Variants in SCN2A observed in about 807,000 individuals in gnomAD.
SCN2A encodes the protein sodium channel protein type 2 subunit alpha.
SCN2A carries 20 observed loss-of-function variants against 188.7 expected under a neutral mutation model. That is an observed-to-expected ratio of 0.11 (90% CI 0.07 to 0.15). The LOEUF (loss-of-function observed/expected upper bound fraction) is 0.15. SCN2A is among the 10% of genes least tolerant of loss of function. The probability of loss-of-function intolerance (pLI) is 1.00; values close to 1 mark genes in which losing one functional copy is unlikely to be tolerated. For missense variants in SCN2A, 1,278 were observed against 2,445.0 expected (o/e 0.52, Z 10.07); for synonymous variants, 804 against 833.1 (o/e 0.97, Z 0.60).
chr2:165,335,488 G>C (rs1559370581), intron 14 of SCN2A, among the ~76,000 whole-genome samples: 9 of 151,648 alleles, frequency 5.9e-5, no homozygotes. Flanking sequence ...AAGACCACTA[G>C]ACAATTTTAT....
At chr2:165,358,557 G>T (rs1434074475) in intron 17 of SCN2A, among the ~76,000 whole-genome samples, 1 of 151,990 alleles carries the variant, frequency 6.6e-6, no homozygotes, top group Non-Finnish European at 1.5e-5. Context: ...CTCTTAGACT[G>T]AAAGAAAAGG....
chr2:165,275,924 AGG>A (rs1695319373), intron 1 of SCN2A, among the ~76,000 whole-genome samples: 2 of 151,990 alleles, frequency 1.3e-5, no homozygotes, highest in Admixed American at 1.3e-4. Context: ...TAGTAGAGAC[AGG>A]TTTTCACCAT....
At chr2:165,319,293 C>T (rs1014898389) in intron 11 of SCN2A, among the ~76,000 whole-genome samples, 4 of 151,972 alleles carry the variant, frequency 2.6e-5, no homozygotes, top group Non-Finnish European at 4.4e-5. Flanking sequence ...GCCGAGATCA[C>T]GCCACTGCAC....
chr2:165,375,124 A>G lies in SCN2A; in HGVS notation c.4254+158A>G, dbSNP rs1368238. Reference sequence around the variant, plus strand: ...AATGTGAAGAAAAGGGAACCCTTGTACATTGTTGGCAGGGATGTAAATTAG... The same window carrying G: ...AATGTGAAGAAAAGGGAACCCTTGTGCATTGTTGGCAGGGATGTAAATTAG... On this transcript the variant is annotated intron_variant, in intron 22 of 26. Coordinates refer to ENST00000375437, the MANE Select transcript of SCN2A (RefSeq NM_001040142.2). Among the ~76,000 whole-genome samples the G allele has an allele frequency of 0.29, 43,958 of 151,970 alleles. 6,676 individuals are homozygous for G. The highest frequency in any genetic ancestry group is 0.48 in the Middle Eastern group (140 of 294).
At chr2:165,356,734 A>G (rs1302744798) in intron 17 of SCN2A, among the ~76,000 whole-genome samples, 2 of 152,164 alleles carry the variant, frequency 1.3e-5, no homozygotes, top group African/African-American at 4.8e-5. Context: ...GAGATTTTAC[A>G]GCCGTGGGTT....
chr2:165,386,388 C>G (rs188185281), intron 25 of SCN2A, among the ~76,000 whole-genome samples: 32 of 152,008 alleles, frequency 2.1e-4, no homozygotes, highest in African/African-American at 7.7e-4. Context: ...CGCTTGAACC[C>G]GGGAGGCAGA....
intron 16 of SCN2A, among the ~76,000 whole-genome samples, chr2:165,351,237 G>A (rs1306264393): frequency 6.6e-6 from 1 of 152,050 alleles, no homozygotes; most frequent in Non-Finnish European, 1.5e-5. Context: ...AGTGTCTAGT[G>A]GGTATTAATA....
At chr2:165,327,054 C>A in intron 13 of SCN2A, 70 bp downstream of exon 13, 1 of 1,548,458 alleles carries the variant, frequency 6.5e-7, no homozygotes, top group Non-Finnish European at 8.9e-7. Context: ...TCATAAATTT[C>A]AATAAAATAC....
At chr2:165,275,996 G>C (rs1323832386) in intron 1 of SCN2A, among the ~76,000 whole-genome samples, 1 of 152,140 alleles carries the variant, frequency 6.6e-6, no homozygotes, top group Non-Finnish European at 1.5e-5. Flanking sequence ...GCCTCCCAAA[G>C]TGCTGGGATG....
At chr2:165,250,342 C>T (rs1351647735) in intron 1 of SCN2A, among the ~76,000 whole-genome samples, 1 of 151,996 alleles carries the variant, frequency 6.6e-6, no homozygotes, top group Non-Finnish European at 1.5e-5. Context: ...TTTAATACAA[C>T]TGCCTTTAAT....
chr2:165,361,944 A>T (rs1700479531), intron 17 of SCN2A, among the ~76,000 whole-genome samples: 1 of 152,052 alleles, frequency 6.6e-6, no homozygotes, highest in African/African-American at 2.4e-5. Context: ...ATCTTAAAAG[A>T]TTTGTGTTAC....
chr2:165,341,562 C>A (rs189301079), intron 14 of SCN2A, among the ~76,000 whole-genome samples: 1 of 152,272 alleles, frequency 6.6e-6, no homozygotes, highest in East Asian at 1.9e-4. Flanking sequence ...AACAGGGGCA[C>A]TTCTTTCATT....
At chr2:165,363,106 G>T (rs1292327060) in intron 17 of SCN2A, among the ~76,000 whole-genome samples, 1 of 152,042 alleles carries the variant, frequency 6.6e-6, no homozygotes, top group African/African-American at 2.4e-5. Context: ...ATGCTGTCTG[G>T]TGACTTCTCC....
At chr2:165,328,832 G>A (rs1169432039) in intron 13 of SCN2A, among the ~76,000 whole-genome samples, 1 of 151,944 alleles carries the variant, frequency 6.6e-6, no homozygotes, top group Non-Finnish European at 1.5e-5. Flanking sequence ...GAGAAATAAT[G>A]GCCAAGTTTT....
chr2:165,278,212 T>C (rs1322531211), intron 1 of SCN2A, among the ~76,000 whole-genome samples: 1 of 152,192 alleles, frequency 6.6e-6, no homozygotes, highest in Non-Finnish European at 1.5e-5. Context: ...GCACATTATA[T>C]TTTGTGTGTA....
intron 1 of SCN2A, chr2:165,272,467 A>G (rs552055036): frequency 2.0e-5 from 3 of 152,238 alleles, no homozygotes; most frequent in Admixed American, 1.3e-4. Context: ...CAAAAAATCA[A>G]TGATATAGAC....
At chr2:165,375,814 TACACGCACACAC>T (rs979194574) in intron 22 of SCN2A, among the ~76,000 whole-genome samples, 30 of 151,446 alleles carry the variant, frequency 2.0e-4, no homozygotes, top group Non-Finnish European at 4.0e-4. Flanking sequence ...TGTGTGTGTA[TACACGCACACAC>T]ACACACACAC....
intron 1 of SCN2A, among the ~76,000 whole-genome samples, chr2:165,242,208 C>G (rs1449084719): frequency 6.6e-6 from 1 of 152,052 alleles, no homozygotes; most frequent in Non-Finnish European, 1.5e-5. Flanking sequence ...TATAGATCTG[C>G]ATGCAGTTGT....
rs151204987 is a variant in SCN2A at position 165,354,455 on chromosome 2, A to G, written c.3183A>G (p.Ile1061Met). 2.5e-6 allele frequency: 4 copies of G among 1,614,042 alleles called. No homozygotes were observed. The African/African-American group carries it at 5.3e-5, about 22-fold the overall frequency. Reference protein sequence around the residue: ...SCISNHTTIEIGKDLNYLKDG... With the variant: ...SCISNHTTIEMGKDLNYLKDG... ...TTTCCAACCATACCACCATAGAAAT[A>G]GGCAAAGACCTCAATTATCTCAAAG... The change falls in exon 17 of 27, where the codon ATA becomes ATG. Residue 1061 changes from isoleucine to methionine, a missense_variant. This residue lies in a region of SCN2A where 228 missense variants were observed against 297.3 expected (regional missense o/e 0.77). Transcript: ENST00000375437.
Sources: allele counts gnomAD v4.1 joint callset (sites outside exome capture counted in the v4.1 genomes callset), GRCh38; gene constraint gnomAD v4.1.1; regional missense constraint gnomAD v4.1.1; transcripts MANE v1.5; gene names NCBI Gene and HGNC (gene_info 2026-07-23, HGNC 2026-07-21).